The following THEMIS variants were observed in gnomAD, a reference collection of about 807,000 sequenced individuals.
THEMIS encodes the protein protein THEMIS.
THEMIS carries 37 observed loss-of-function variants against 52.6 expected under a neutral mutation model. The observed-to-expected ratio is 0.70, with a 90% confidence interval of 0.54 to 0.93. The LOEUF is 0.93. Among genes scored for constraint, THEMIS ranks in the 40% least tolerant of loss-of-function variants. The probability of loss-of-function intolerance (pLI) is 0.00; values close to 1 mark genes in which losing one functional copy is unlikely to be tolerated. For synonymous variants in THEMIS, 292 were observed against 272.7 expected (o/e 1.07, Z -0.70); for missense variants, 808 against 763.1 (o/e 1.06, Z -0.69).
chr6:127,744,156 T>C (rs1349727304), intron 4 of THEMIS, among the ~76,000 whole-genome samples: 1 of 152,072 alleles, frequency 6.6e-6, no homozygotes, highest in Non-Finnish European at 1.5e-5. Flanking sequence ...TACCAGAGTC[T>C]GGCCACTTTG....
chr6:127,859,054 T>C (rs1168331150), intron 1 of THEMIS, among the ~76,000 whole-genome samples: 3 of 152,118 alleles, frequency 2.0e-5, no homozygotes, highest in Non-Finnish European at 4.4e-5. Context: ...ATTGGTTCAA[T>C]AGATTTTCTT....
chr6:127,840,760 T>G (rs1779019209), intron 2 of THEMIS, among the ~76,000 whole-genome samples: 1 of 152,068 alleles, frequency 6.6e-6, no homozygotes, highest in African/African-American at 2.4e-5. Context: ...GAAATATTAC[T>G]CAGCACTAAA....
chr6:127,854,983 A>G, intron 2 of THEMIS, 47 bp downstream of exon 2: 1 of 1,503,414 alleles, frequency 6.7e-7, no homozygotes, highest in African/African-American at 1.4e-5. Flanking sequence ...ATACATATTA[A>G]TAACAATATA....
chr6:127,765,143 C>T (rs188688802), intron 4 of THEMIS, among the ~76,000 whole-genome samples: 96 of 152,174 alleles, frequency 6.3e-4, no homozygotes, highest in African/African-American at 2.2e-3. Context: ...TGAAAGGTCT[C>T]TTCAGACTCT....
intron 4 of THEMIS, among the ~76,000 whole-genome samples, chr6:127,799,519 TTCTTTCTTTC>T (rs1290573881): frequency 7.0e-6 from 1 of 143,170 alleles, no homozygotes; most frequent in African/African-American, 2.7e-5. Context: ...TAATCTTTCT[TTCTTTCTTTC>T]TCTTTCTTTC....
Position 127,751,507 on chromosome 6 carries a change from C to T in THEMIS, c.1759-31684G>A, listed in dbSNP as rs537949725. Among the ~76,000 whole-genome samples the T allele has an allele frequency of 3.4e-4, 52 of 151,414 alleles. 1 individual carries two copies. Among genetic ancestry groups the T allele is most frequent in the African/African-American group, 1.3e-3 (52 of 41,392 alleles). ...GAAAGATATTCCATGCAAACAGTAA[C>T]CAAAAGAATGTAGAAGTGGTGGCAA... On this transcript the variant is annotated intron_variant, in intron 4 of 5. Transcript: ENST00000368248.
chr6:127,837,307 C>T (rs933453705), intron 2 of THEMIS, among the ~76,000 whole-genome samples: 2 of 151,938 alleles, frequency 1.3e-5, no homozygotes, highest in Non-Finnish European at 2.9e-5. Flanking sequence ...TCAAGGCCTA[C>T]CCATGCCGGG....
intron 4 of THEMIS, among the ~76,000 whole-genome samples, chr6:127,726,409 A>G (rs550708506): frequency 6.6e-6 from 1 of 152,288 alleles, no homozygotes; most frequent in East Asian, 1.9e-4. Context: ...CCCTTGCTGT[A>G]ACTGATTAGA....
chr6:127,898,588 T>C (rs1781042455), intron 1 of THEMIS, among the ~76,000 whole-genome samples: 1 of 151,396 alleles, frequency 6.6e-6, no homozygotes, highest in Non-Finnish European at 1.5e-5. Flanking sequence ...AGTGTGAAGT[T>C]TTCACACACA....
chr6:127,817,874 A>G (rs1434275025), intron 3 of THEMIS, among the ~76,000 whole-genome samples: 1 of 152,176 alleles, frequency 6.6e-6, no homozygotes, highest in African/African-American at 2.4e-5. Context: ...TCTTACTTTC[A>G]GGGGCCCATC....
At position 127,829,951 on chromosome 6, in the gene THEMIS, G is replaced by C. The variant is rs114648079; in HGVS notation, c.251-17C>G. On this transcript the variant is annotated splice_polypyrimidine_tract_variant and intron_variant, in intron 2 of 5. Transcript: ENST00000368248. ...TAAAAAGACCTAAGAACAGAATTAC[G>C]TGAATTAAAAAGAGAGTTCTTACAA... The C allele has an allele frequency of 1.3e-6, 2 of 1,561,318 alleles. No homozygotes were observed. The highest frequency in any genetic ancestry group is 1.7e-6 in the Non-Finnish European group (2 of 1,149,846).
At chr6:127,906,327 A>G (rs1204172608) in intron 1 of THEMIS, among the ~76,000 whole-genome samples, 2 of 151,888 alleles carry the variant, frequency 1.3e-5, no homozygotes, top group Non-Finnish European at 2.9e-5. Flanking sequence ...AAGAAAATTC[A>G]CAGCTTTCAA....
chr6:127,724,815 T>C (rs1339265399), intron 4 of THEMIS, among the ~76,000 whole-genome samples: 2 of 151,978 alleles, frequency 1.3e-5, no homozygotes, highest in African/African-American at 2.4e-5. Context: ...CAAATAAATA[T>C]TACCAAAAAA....
intron 2 of THEMIS, among the ~76,000 whole-genome samples, chr6:127,841,655 A>G (rs1052751350): frequency 2.6e-5 from 4 of 151,960 alleles, no homozygotes; most frequent in African/African-American, 9.7e-5. Context: ...TGGCTAATAT[A>G]CATGGTAGTT....
chr6:127,807,212 T>G, intron 4 of THEMIS: 1 of 184,810 alleles, frequency 5.4e-6, no homozygotes. Flanking sequence ...AATACAAAAA[T>G]TACCTGGACG....
chr6:127,852,288 G>A (rs1779454816), intron 2 of THEMIS, among the ~76,000 whole-genome samples: 1 of 151,484 alleles, frequency 6.6e-6, no homozygotes. Flanking sequence ...TTCAACAATA[G>A]TAGCTGGAAA....
intron 4 of THEMIS, among the ~76,000 whole-genome samples, chr6:127,723,223 T>C (rs1774424360): frequency 6.6e-6 from 1 of 152,040 alleles, no homozygotes; most frequent in African/African-American, 2.4e-5. Flanking sequence ...CTTTATTCTC[T>C]GTCCAGCATC....
chr6:127,907,545 A>G (rs558695682), intron 1 of THEMIS, among the ~76,000 whole-genome samples: 1 of 151,852 alleles, frequency 6.6e-6, no homozygotes, highest in African/African-American at 2.4e-5. Flanking sequence ...TCAGCCAATC[A>G]TTATGACTAG....
intron 1 of THEMIS, among the ~76,000 whole-genome samples, chr6:127,899,382 G>A (rs886608900): frequency 9.2e-5 from 14 of 151,988 alleles, no homozygotes; most frequent in South Asian, 2.1e-4. Flanking sequence ...CAAAAATAGT[G>A]TGTTTGGGGG....
Sources: allele counts gnomAD v4.1 joint callset (sites outside exome capture counted in the v4.1 genomes callset), GRCh38; gene constraint gnomAD v4.1.1; transcripts MANE v1.5; gene names NCBI Gene and HGNC (gene_info 2026-07-23, HGNC 2026-07-21).